The following PRKN variants were observed in gnomAD, a reference collection of about 807,000 sequenced individuals.
The protein encoded by PRKN is parkin RBR E3 ubiquitin protein ligase, also known as E3 ubiquitin-protein ligase parkin.
Under a neutral mutation model 59.5 loss-of-function variants are expected in PRKN, and 56 were observed. That is an observed-to-expected ratio of 0.94 (90% confidence interval 0.76 to 1.18). The LOEUF is 1.18. Among genes scored for constraint, PRKN ranks in the 50% most tolerant of loss-of-function variants. PRKN has a pLI of 0.00. For synonymous variants in PRKN, 250 were observed against 222.1 expected (o/e 1.13, Z -1.12); for missense variants, 657 against 596.4 (o/e 1.10, Z -1.06).
rs1315146863 is a variant in PRKN, at chr6:161,410,158, C to T, written c.1084-23281G>A. Among the ~76,000 whole-genome samples the T allele has an allele frequency of 1.3e-5, 2 of 152,134 alleles. No homozygotes were observed. Among genetic ancestry groups the T allele is most frequent in the East Asian group, 3.9e-4 (2 of 5,158 alleles). On this transcript the variant is annotated intron_variant, in intron 9 of 11. Transcript: ENST00000366898. The surrounding 1 kb of genome is among the most constrained non-coding windows in gnomAD (Gnocchi z 5.3). Reference sequence around the variant, plus strand: ...TGAAGAAGGGGATGGGGAAGGATTGCATAAGTTGTGGCAGGGGGCCTGGGG... The same window carrying T: ...TGAAGAAGGGGATGGGGAAGGATTGTATAAGTTGTGGCAGGGGGCCTGGGG...
intron 7 of PRKN, among the ~76,000 whole-genome samples, chr6:161,586,018 T>A (rs1258707591): frequency 6.6e-6 from 1 of 151,984 alleles, no homozygotes; most frequent in Non-Finnish European, 1.5e-5. Flanking sequence ...CTCAATCGCT[T>A]CTTTTTTTAA....
chr6:162,433,715 T>C (rs1195785667), intron 2 of PRKN, among the ~76,000 whole-genome samples: 1 of 152,292 alleles, frequency 6.6e-6, no homozygotes, highest in African/African-American at 2.4e-5. Context: ...TTTCCTGTTT[T>C]CTGAACAATG....
rs188323027 is a variant in PRKN at position 161,533,941 on chromosome 6, G to A, written c.1083+14913C>T. On this transcript the variant is annotated intron_variant, in intron 9 of 11. Coordinates refer to ENST00000366898, the MANE Select transcript of PRKN (RefSeq NM_004562.3). The surrounding 1 kb of genome is among the most constrained non-coding windows in gnomAD (Gnocchi z 4.1). ...AGGTAGGAAGGCTGTATATTCACAC[G>A]ACACTCGCCGTCACAGTGGTCTCTG... is the stretch of plus-strand genomic sequence containing the variant. 5.1e-4 allele frequency among the ~76,000 whole-genome samples: 78 copies of A among 152,134 alleles called. No homozygotes were observed. The highest frequency in any genetic ancestry group is 4.4e-3 in the Admixed American group (67 of 15,262).
chr6:161,418,686 G>GA (rs1412791546), intron 9 of PRKN, among the ~76,000 whole-genome samples: 2 of 152,146 alleles, frequency 1.3e-5, no homozygotes, highest in Non-Finnish European at 2.9e-5. Flanking sequence ...TAAGTACTGG[G>GA]AAAAAGATTA....
intron 1 of PRKN, among the ~76,000 whole-genome samples, chr6:162,547,253 A>G (rs555773309): frequency 8.2e-4 from 125 of 152,308 alleles, no homozygotes; most frequent in African/African-American, 3.0e-3. Flanking sequence ...CAACAAAACC[A>G]TAATAAATCC....
chr6:162,531,488 G>C (rs1294536628), intron 1 of PRKN, among the ~76,000 whole-genome samples: 1 of 152,116 alleles, frequency 6.6e-6, no homozygotes, highest in Admixed American at 6.6e-5. Context: ...GGAAGCCAGT[G>C]AGCCAGGAGT....
rs75876344 is a variant in PRKN at position 161,639,576 on chromosome 6, C to T, written c.872-70160G>A. 3.7e-4 allele frequency among the ~76,000 whole-genome samples: 57 copies of T among 152,306 alleles called. No individual in the cohort carries two copies. In the East Asian group the frequency reaches 9.3e-3, roughly 25 times the overall value. Reference sequence around the variant, plus strand: ...CTCAACCCTGTTTGCCTGCACTGTACGCTGCCTGGACTGCACCTCCGGGAA... The same window carrying T: ...CTCAACCCTGTTTGCCTGCACTGTATGCTGCCTGGACTGCACCTCCGGGAA... On this transcript the variant is annotated intron_variant, in intron 7 of 11. Coordinates refer to ENST00000366898, the MANE Select transcript of PRKN (RefSeq NM_004562.3).
chr6:161,640,669 A>C (rs1239834308), intron 7 of PRKN, among the ~76,000 whole-genome samples: 1 of 152,010 alleles, frequency 6.6e-6, no homozygotes, highest in Admixed American at 6.6e-5. Context: ...GGCCTTTACC[A>C]CCGAGGTTTC....
chr6:161,647,767 T>A (rs1409908205), intron 7 of PRKN, among the ~76,000 whole-genome samples: 5 of 152,232 alleles, frequency 3.3e-5, no homozygotes, highest in Non-Finnish European at 7.3e-5. Context: ...GTTTCTTCAG[T>A]GTTAAGCATA....
intron 5 of PRKN, among the ~76,000 whole-genome samples, chr6:162,038,926 G>A (rs1055277353): frequency 1.3e-5 from 2 of 152,092 alleles, no homozygotes; most frequent in African/African-American, 2.4e-5. Context: ...AGGCTGAGGC[G>A]GGTGGATCAT....
intron 7 of PRKN, among the ~76,000 whole-genome samples, chr6:161,726,273 A>G (rs900820799): frequency 6.6e-6 from 1 of 152,216 alleles, no homozygotes; most frequent in African/African-American, 2.4e-5. Flanking sequence ...AAACTCTGTT[A>G]CTGTTAAGAA....
At chr6:161,892,633 A>G (rs1777450853) in intron 6 of PRKN, among the ~76,000 whole-genome samples, 1 of 152,152 alleles carries the variant, frequency 6.6e-6, no homozygotes, top group African/African-American at 2.4e-5. Flanking sequence ...GATCTACTCA[A>G]GAGGCTGAGG....
chr6:162,578,088 T>C (rs1313298166), intron 1 of PRKN, among the ~76,000 whole-genome samples: 1 of 152,146 alleles, frequency 6.6e-6, no homozygotes, highest in Non-Finnish European at 1.5e-5. Context: ...AAGGCTGATA[T>C]ATGGATATTC....
intron 7 of PRKN, among the ~76,000 whole-genome samples, chr6:161,756,455 A>C (rs867021931): frequency 2.6e-5 from 4 of 151,168 alleles, no homozygotes; most frequent in African/African-American, 7.3e-5. Context: ...AAAAAAAAAA[A>C]AAAAAAAAAA....
intron 6 of PRKN, among the ~76,000 whole-genome samples, chr6:161,948,890 G>A (rs1404600152): frequency 2.0e-5 from 3 of 152,178 alleles, no homozygotes; most frequent in Admixed American, 1.3e-4. Flanking sequence ...GCCATTATCC[G>A]TACATGTTCT....
At chr6:161,437,690 C>A (rs1323123501) in intron 9 of PRKN, among the ~76,000 whole-genome samples, 1 of 152,146 alleles carries the variant, frequency 6.6e-6, no homozygotes, top group Non-Finnish European at 1.5e-5. Flanking sequence ...CATCATAATT[C>A]TGACATCGTA....
intron 7 of PRKN, among the ~76,000 whole-genome samples, chr6:161,767,026 T>G (rs1230356140): frequency 6.6e-6 from 1 of 152,176 alleles, no homozygotes; most frequent in African/African-American, 2.4e-5. Flanking sequence ...CCTGCCCTAG[T>G]ATCCAGTAGC....
At position 161,538,972 on chromosome 6, in the gene PRKN, G is replaced by A. The variant is rs983399852; in HGVS notation, c.1083+9882C>T. 2.0e-5 allele frequency among the ~76,000 whole-genome samples: 3 copies of A among 152,132 alleles called. No homozygotes were observed. Among genetic ancestry groups the A allele is most frequent in the Non-Finnish European group, 4.4e-5 (3 of 68,032 alleles). ...GCGCTGACCTTGGTGTTCCTGTTTC[G>A]TGTGAAGAGTGAGGGCGTGCTGCTT... On this transcript the variant is annotated intron_variant, in intron 9 of 11. Coordinates refer to ENST00000366898, the MANE Select transcript of PRKN (RefSeq NM_004562.3). The surrounding 1 kb of genome is among the most constrained non-coding windows in gnomAD (Gnocchi z 4.2).
intron 4 of PRKN, among the ~76,000 whole-genome samples, chr6:162,164,581 G>A (rs967201485): frequency 6.7e-6 from 1 of 148,760 alleles, no homozygotes; most frequent in Non-Finnish European, 1.5e-5. Flanking sequence ...ATATGTTACT[G>A]TGGAATTTTC....
Sources: gnomAD v4.1 joint callset for allele counts (sites outside exome capture counted in the v4.1 genomes callset) on GRCh38, gnomAD v4.1.1 for gene constraint, Gnocchi (gnomAD v3.1) non-coding constraint, MANE v1.5 for transcripts, NCBI Gene and HGNC (gene_info 2026-07-23, HGNC 2026-07-21) for gene names.